GRAMD1A: variants seen among roughly 807,000 people sequenced by gnomAD.
The protein encoded by GRAMD1A is GRAM domain containing 1A.
In GRAMD1A, 50 loss-of-function variants were observed where a neutral mutation model predicts 92.0. That is an observed-to-expected ratio of 0.54 (90% confidence interval 0.43 to 0.69). GRAMD1A has a LOEUF of 0.69. Among genes scored for constraint, GRAMD1A ranks in the 30% least tolerant of loss-of-function variants. GRAMD1A has a pLI of 0.00. For synonymous variants in GRAMD1A, 405 were observed against 403.6 expected, an observed-to-expected ratio of 1.00 and a Z score of -0.04; for missense variants, 819 against 978.9, an observed-to-expected ratio of 0.84 and a Z score of 2.18.
intron 13 of GRAMD1A, among the ~76,000 whole-genome samples, chr19:35,019,779 A>C (rs2015915964): frequency 6.6e-6 from 1 of 152,048 alleles, no homozygotes; most frequent in African/African-American, 2.4e-5. Context: ...AGGCAATATC[A>C]CCTCTCTCAG....
intron 10 of GRAMD1A, 49 bp downstream of exon 10, chr19:35,014,436 G>A (rs200320842): frequency 2.8e-5 from 43 of 1,531,394 alleles, no homozygotes; most frequent in Admixed American, 2.0e-4. Context: ...TGCAAGCCTC[G>A]CTCAGTCTTA....
chr19:34,999,911 GCCCCCT>G, upstream of GRAMD1A: 1 of 759,164 alleles, frequency 1.3e-6, no homozygotes, highest in Non-Finnish European at 1.6e-6. Context: ...CCAGCTTCAG[GCCCCCT>G]CCCCCATACA....
chr19:35,010,891 G>T (rs66479581), intron 6 of GRAMD1A, among the ~76,000 whole-genome samples: 6 of 151,914 alleles, frequency 3.9e-5, no homozygotes, highest in Non-Finnish European at 7.4e-5. Context: ...CTTGAGCCCA[G>T]GAGGTTGAGG....
upstream of GRAMD1A, among the ~76,000 whole-genome samples, chr19:34,999,708 T>TAACTAACCACTAACA (rs2014207585): frequency 1.3e-5 from 2 of 152,148 alleles, no homozygotes; most frequent in African/African-American, 4.8e-5. Context: ...CTCCCAGCAC[T>TAACTAACCACTAACA]GGGGTGATGA....
At chr19:35,011,230 C>T (rs926985471) in intron 6 of GRAMD1A, among the ~76,000 whole-genome samples, 1 of 152,192 alleles carries the variant, frequency 6.6e-6, no homozygotes, top group Non-Finnish European at 1.5e-5. Context: ...GCATCTGTCC[C>T]CTCCTTGGAC....
chr19:35,011,244 G>A (rs1196953006), intron 6 of GRAMD1A, among the ~76,000 whole-genome samples: 5 of 152,156 alleles, frequency 3.3e-5, no homozygotes, highest in Non-Finnish European at 5.9e-5. Flanking sequence ...CTTGGACTGG[G>A]AGCTCCAAGG....
intron 13 of GRAMD1A, among the ~76,000 whole-genome samples, chr19:35,019,953 G>A (rs367767246): frequency 6.6e-6 from 1 of 152,330 alleles, no homozygotes; most frequent in African/African-American, 2.4e-5. Context: ...TCAGGGAAGG[G>A]CCTACTGGGA....
intron 1 of GRAMD1A, among the ~76,000 whole-genome samples, chr19:35,003,319 G>A (rs888429463): frequency 6.6e-6 from 1 of 152,132 alleles, no homozygotes; most frequent in Non-Finnish European, 1.5e-5. Flanking sequence ...CTGACCAGAG[G>A]CTGCTCTGGG....
chr19:35,011,883 C>T (rs1204352760), intron 7 of GRAMD1A, among the ~76,000 whole-genome samples: 1 of 152,218 alleles, frequency 6.6e-6, no homozygotes, highest in Non-Finnish European at 1.5e-5. Context: ...TGGTCCACAG[C>T]ACCTCAGAGA....
At chr19:35,011,128 C>T (rs2015206972) in intron 6 of GRAMD1A, among the ~76,000 whole-genome samples, 1 of 148,676 alleles carries the variant, frequency 6.7e-6, no homozygotes, top group African/African-American at 2.5e-5. Context: ...AAAGGATCAA[C>T]TGACCATTCT....
chr19:34,997,681 C>CAG (rs1268358341), upstream of GRAMD1A, among the ~76,000 whole-genome samples: 1 of 152,156 alleles, frequency 6.6e-6, no homozygotes, highest in Non-Finnish European at 1.5e-5. Flanking sequence ...GCAAATGAAA[C>CAG]AGAGGGAGCC....
At position 35,023,548 on chromosome 19, in the gene GRAMD1A, G is replaced by T. The variant is rs747275972; in HGVS notation, c.2082+1G>T. On this transcript the variant is annotated splice_donor_variant, in intron 19 of 19. Coordinates refer to ENST00000317991, the MANE Select transcript of GRAMD1A (RefSeq NM_020895.5). LOFTEE classifies it high-confidence loss of function. ...GGCCTCCGTGGAGCTCCTGGATGAG[G>T]TAGGAGGCGCCGCTCGGGCAGGGCT... The T allele has an allele frequency of 6.4e-7, 1 of 1,571,308 alleles. No homozygotes were observed. Among genetic ancestry groups the T allele is most frequent in the Non-Finnish European group, 8.6e-7 (1 of 1,163,086 alleles).
chr19:35,013,517 C>T lies in GRAMD1A; in HGVS notation c.720-24C>T. 6.3e-7 allele frequency: 1 copy of T among 1,589,226 alleles called. No homozygotes were observed. ...TATGGGGTCTCAAGGACACAGCAGTCCCGCTTCCTCCCCTTTCCCACAGGA... is the reference window on the plus strand; with the variant it reads ...TATGGGGTCTCAAGGACACAGCAGTTCCGCTTCCTCCCCTTTCCCACAGGA... On this transcript the variant is annotated intron_variant, in intron 8 of 19. Coordinates refer to ENST00000317991, the MANE Select transcript of GRAMD1A (RefSeq NM_020895.5). This position sits in a 1 kb window ranked among gnomAD's most constrained non-coding sequence, Gnocchi z 4.9.
At chr19:35,018,140 G>A (rs2902175) in intron 11 of GRAMD1A, among the ~76,000 whole-genome samples, 55,543 of 151,554 alleles carry the variant, frequency 0.37, 10,325 homozygotes, top group Middle Eastern at 0.48. Context: ...GGCGCCCACC[G>A]TCACGCCCAG....
At chr19:35,001,241 C>T (rs2014345817) in intron 1 of GRAMD1A, 3 of 152,442 alleles carry the variant, frequency 2.0e-5, no homozygotes, top group Non-Finnish European at 2.9e-5. Context: ...CTCTGTGTGT[C>T]ACTGTAAGTT....
In GRAMD1A at chr19:35,003,727, T is replaced by A. The variant is rs1453074265; in HGVS notation, c.8+3241T>A. Among the ~76,000 whole-genome samples the A allele has an allele frequency of 2.6e-5, 4 of 152,166 alleles. No homozygotes were observed. The East Asian group carries it at 7.7e-4, about 29-fold the overall frequency. On this transcript the variant is annotated intron_variant, in intron 1 of 19. Transcript: ENST00000317991. ...CAGTGCTGTCTGGGTGAAGCCAAAC[T>A]CCTGACTAGGGTCACCAGGCCTGTG...
Position 35,013,136 on chromosome 19 carries a change from C to G in GRAMD1A, c.607-120C>G. The G allele has an allele frequency of 1.6e-6, 1 of 618,998 alleles. No individual in the cohort carries two copies. Among genetic ancestry groups the G allele is most frequent in the Admixed American group, 2.5e-5 (1 of 39,216 alleles). The allele number at this position is 618,998 out of a possible 1,614,324, so 38.3% of individuals were successfully genotyped here. A position where few individuals can be genotyped will look rare whatever the true frequency, so the allele number is the denominator to read the frequency against. ...TGAGGCCAGGTCTGGTGCGGGAGAT[C>G]GTGGCTGCCTCCTTGTGGAAGCCAG... On this transcript the variant is annotated intron_variant, in intron 7 of 19. Transcript: ENST00000317991. This position sits in a 1 kb window ranked among gnomAD's most constrained non-coding sequence, Gnocchi z 4.9.
chr19:35,009,348 G>C lies in GRAMD1A; in HGVS notation c.219+19G>C, dbSNP rs2015053911. The C allele has an allele frequency of 3.1e-6, 5 of 1,613,624 alleles. No homozygotes were observed. The highest frequency in any genetic ancestry group is 1.1e-5 in the South Asian group (1 of 91,066). On this transcript the variant is annotated intron_variant, in intron 2 of 19. Coordinates refer to ENST00000317991, the MANE Select transcript of GRAMD1A (RefSeq NM_020895.5). ...CAGCAAGGTTGGTGCAAGCCCAGGT[G>C]GGGTGGGGAGAGGGCTAGTGGGGGC...
In GRAMD1A at chr19:35,022,860, G is replaced by A. The variant is rs768255824; in HGVS notation, c.1842-40G>A. On this transcript the variant is annotated intron_variant, in intron 16 of 19. Transcript: ENST00000317991. ...GGGGGTGTCGGGGGCAGGCCAGGCG[G>A]CGCTCATCTCTCTGTCTCCCCTCAC... 3.8e-6 allele frequency: 6 copies of A among 1,596,836 alleles called. No homozygotes were observed. In the Admixed American group the frequency reaches 6.9e-5, roughly 18 times the overall value.
Sources: allele counts gnomAD v4.1 joint callset (sites outside exome capture counted in the v4.1 genomes callset), GRCh38; gene constraint gnomAD v4.1.1; non-coding constraint Gnocchi (gnomAD v3.1); transcripts MANE v1.5; gene names NCBI Gene and HGNC (gene_info 2026-07-23, HGNC 2026-07-21).